SEC24B: variants seen among roughly 807,000 people sequenced by gnomAD.
SEC24B encodes the protein protein transport protein Sec24B.
A neutral mutation model predicts 142.8 loss-of-function variants in SEC24B; 45 were observed. The ratio of observed to expected loss-of-function variants is 0.32; its 90% CI spans 0.25 to 0.40. SEC24B has a LOEUF of 0.40. Among genes scored for constraint, SEC24B ranks in the 10% least tolerant of loss-of-function variants. The probability of loss-of-function intolerance (pLI) is 1.00; values close to 1 mark genes in which losing one functional copy is unlikely to be tolerated. For missense variants in SEC24B, 1,409 were observed against 1,526.8 expected, an observed-to-expected ratio of 0.92 and a Z score of 1.29; for synonymous variants, 574 against 568.2, an observed-to-expected ratio of 1.01 and a Z score of -0.15.
In SEC24B at chr4:109,499,125, G is replaced by T. The variant is rs193271825; in HGVS notation, c.1488+4269G>T. 3.8e-3 allele frequency among the ~76,000 whole-genome samples: 575 copies of T among 152,284 alleles called. 3 individuals are homozygous for T. The highest frequency in any genetic ancestry group is 0.016 in the South Asian group (75 of 4,816). The stretch of plus-strand genomic sequence containing the variant: ...TTGTAAACAGCAATGCTTGGAGTCT[G>T]TCCTTCCAGGTTTCTTTCACTACAC... On this transcript the variant is annotated intron_variant, in intron 6 of 23. Transcript: ENST00000265175.
chr4:109,493,605 G>T (rs1477080138), intron 5 of SEC24B, among the ~76,000 whole-genome samples: 1 of 150,792 alleles, frequency 6.6e-6, no homozygotes, highest in Non-Finnish European at 1.5e-5. Context: ...ATTGTTCTAG[G>T]AGCAGGACAC....
chr4:109,525,534 T>C, intron 16 of SEC24B, 30 bp downstream of exon 16: 1 of 1,482,990 alleles, frequency 6.7e-7, no homozygotes, highest in Non-Finnish European at 9.2e-7. Flanking sequence ...ATATTTTATA[T>C]TAAATACTTG....
Position 109,517,931 on chromosome 4 carries a change from TTTTGTTTG to T in SEC24B, c.2126+1303_2126+1310del, listed in dbSNP as rs70949093. On this transcript the variant is annotated intron_variant, in intron 11 of 23. Transcript: ENST00000265175. Reference sequence around the variant, plus strand: ...ATGTTAGGAAGCGAGAAACTGAGCATTTTGTTTGTTTGTTTGTTTATTTATTTATTTAT... The same window carrying T: ...ATGTTAGGAAGCGAGAAACTGAGCATTTTGTTTGTTTATTTATTTATTTAT... 1.9e-4 allele frequency among the ~76,000 whole-genome samples: 28 copies of T among 146,778 alleles called. No individual in the cohort carries two copies. The South Asian group carries it at 4.3e-3, about 23-fold the overall frequency.
intron 1 of SEC24B, among the ~76,000 whole-genome samples, chr4:109,435,317 T>C (rs1728303690): frequency 6.6e-6 from 1 of 152,244 alleles, no homozygotes; most frequent in African/African-American, 2.4e-5. Flanking sequence ...AAACCTGTTC[T>C]GAACAAATGT....
rs1028410216 is a variant in SEC24B at position 109,495,518 on chromosome 4, G to A, written c.1488+662G>A. On this transcript the variant is annotated intron_variant, in intron 6 of 23. Coordinates refer to ENST00000265175, the MANE Select transcript of SEC24B (RefSeq NM_006323.5). ...TTTCTCCATAGAGAAGGGCCTCTGA[G>A]TGGAAAACACTGGCTGGAGGTGGAT... Among the ~76,000 whole-genome samples the A allele has an allele frequency of 2.0e-5, 3 of 152,212 alleles. No individual in the cohort carries two copies. In the East Asian group the frequency reaches 5.8e-4, roughly 29 times the overall value.
At chr4:109,523,749 G>A (rs1390367535) in intron 14 of SEC24B, among the ~76,000 whole-genome samples, 3 of 152,102 alleles carry the variant, frequency 2.0e-5, no homozygotes, top group Non-Finnish European at 4.4e-5. Context: ...TAAATTCCTA[G>A]AAGTGAAATT....
intron 22 of SEC24B, among the ~76,000 whole-genome samples, chr4:109,536,278 G>C (rs976268908): frequency 6.6e-6 from 1 of 152,116 alleles, no homozygotes; most frequent in African/African-American, 2.4e-5. Flanking sequence ...AGATCAGTGG[G>C]ACAGAATAGA....
At chr4:109,489,734 A>G (rs1324622842) in intron 4 of SEC24B, among the ~76,000 whole-genome samples, 7 of 150,300 alleles carry the variant, frequency 4.7e-5, no homozygotes, top group Non-Finnish European at 8.9e-5. Context: ...CACTTAAGCA[A>G]ATTTTCAGGT....
At chr4:109,445,377 G>A (rs1729351615) in intron 1 of SEC24B, among the ~76,000 whole-genome samples, 1 of 147,676 alleles carries the variant, frequency 6.8e-6, no homozygotes, top group Admixed American at 6.8e-5. Context: ...CCAAGCAGCT[G>A]GGACAACAGG....
chr4:109,538,514 A>G lies in SEC24B; in HGVS notation c.3610A>G (p.Thr1204Ala). 6.2e-7 allele frequency: 1 copy of G among 1,612,648 alleles called. No individual in the cohort carries two copies. Among genetic ancestry groups the G allele is most frequent in the Non-Finnish European group, 8.5e-7 (1 of 1,178,724 alleles). Reference sequence around the variant, plus strand: ...CCAGACACATCTTCCAGAGCTAGATACACTTTCATCAGAAAGAGCCAGATC... The same window carrying G: ...CCAGACACATCTTCCAGAGCTAGATGCACTTTCATCAGAAAGAGCCAGATC... The part of the protein sequence containing the change: ...QKMTHLPELD[T>A]LSSERARSFI... The change falls in exon 23 of 24, where the codon ACA becomes GCA. Residue 1204 changes from threonine (T) to alanine (A), a missense_variant. Transcript: ENST00000265175.
chr4:109,490,511 A>G (rs1734916318), intron 4 of SEC24B, among the ~76,000 whole-genome samples: 1 of 152,068 alleles, frequency 6.6e-6, no homozygotes, highest in South Asian at 2.1e-4. Context: ...TAATAGAAGG[A>G]TCATGCAGAT....
At chr4:109,455,827 C>T (rs946585164) in intron 1 of SEC24B, among the ~76,000 whole-genome samples, 1 of 151,918 alleles carries the variant, frequency 6.6e-6, no homozygotes. Flanking sequence ...TGTGAGTCTT[C>T]CAACTTTGTT....
chr4:109,462,821 T>G, intron 1 of SEC24B, 80 bp from the exon 2 acceptor site: 2 of 1,128,946 alleles, frequency 1.8e-6, no homozygotes, highest in Non-Finnish European at 2.5e-6. Flanking sequence ...AGAAAGTTAA[T>G]TGCTTCAATA....
In SEC24B at chr4:109,487,088, C is replaced by A. The variant is rs532693189; in HGVS notation, c.1166-4239C>A. On this transcript the variant is annotated intron_variant, in intron 4 of 23. Transcript: ENST00000265175. ...GCTGAGGCAGGAGAATCACTTGAACCCGGGAGACAGAGGTTGCAGTGAGCT... is the reference window on the plus strand; with the variant it reads ...GCTGAGGCAGGAGAATCACTTGAACACGGGAGACAGAGGTTGCAGTGAGCT... 3.3e-5 allele frequency among the ~76,000 whole-genome samples: 5 copies of A among 151,100 alleles called. No individual in the cohort carries two copies. The South Asian group carries it at 1.0e-3, about 32-fold the overall frequency.
chr4:109,525,026 T>C, intron 15 of SEC24B, 85 bp downstream of exon 15: 10 of 1,274,848 alleles, frequency 7.8e-6, no homozygotes, highest in Non-Finnish European at 9.7e-6. Context: ...AAGCATTCTC[T>C]ATATTTTAGG....
chr4:109,533,673 A>G lies in SEC24B; in HGVS notation c.3576A>G (p.Ile1192Met), dbSNP rs1482629167. 1.3e-6 allele frequency: 2 copies of G among 1,594,030 alleles called. No homozygotes were observed. Among genetic ancestry groups the G allele is most frequent in the East Asian group, 2.2e-5 (1 of 44,678 alleles). ...TTGGATATACTAATTTTGCATCAAT[A>G]CCACAGAAAATGGTCAGTAGATTTT... Reference protein sequence around the residue: ...DVLGYTNFASIPQKMTHLPEL... With the variant: ...DVLGYTNFASMPQKMTHLPEL... The change falls in exon 22 of 24, where the codon ATA (isoleucine) becomes ATG (methionine). Residue 1192 changes from isoleucine to methionine, a missense_variant. Transcript: ENST00000265175.
At chr4:109,445,719 C>T (rs1224618691) in intron 1 of SEC24B, among the ~76,000 whole-genome samples, 6 of 151,930 alleles carry the variant, frequency 3.9e-5, no homozygotes. Context: ...CAGGCACAAA[C>T]CACCACACCT....
chr4:109,484,230 A>G (rs1734114639), intron 4 of SEC24B, among the ~76,000 whole-genome samples: 1 of 152,218 alleles, frequency 6.6e-6, no homozygotes, highest in Non-Finnish European at 1.5e-5. Flanking sequence ...CAAAGAGTAC[A>G]GACCAGTTAT....
chr4:109,467,052 C>T (rs1731974688), intron 2 of SEC24B, among the ~76,000 whole-genome samples: 1 of 151,936 alleles, frequency 6.6e-6, no homozygotes, highest in African/African-American at 2.4e-5. Flanking sequence ...TCCAGCCGGG[C>T]GCGGTGGCTC....
Sources: allele counts gnomAD v4.1 joint callset (sites outside exome capture counted in the v4.1 genomes callset), GRCh38; gene constraint gnomAD v4.1.1; transcripts MANE v1.5; gene names NCBI Gene and HGNC (gene_info 2026-07-23, HGNC 2026-07-21).